The following GRIN2B variants were observed in gnomAD, a reference collection of about 807,000 sequenced individuals.
The protein encoded by GRIN2B is glutamate receptor ionotropic, NMDA 2B.
GRIN2B carries 5 observed loss-of-function variants against 114.5 expected under a neutral mutation model. The ratio of observed to expected loss-of-function variants is 0.04; its 90% CI spans 0.02 to 0.09. The LOEUF is 0.09. Ranked by LOEUF, GRIN2B falls within the 10% of genes least tolerant of loss-of-function variation. The probability of loss-of-function intolerance (pLI) is 1.00; values close to 1 mark genes in which losing one functional copy is unlikely to be tolerated. For missense variants in GRIN2B, 1,108 were observed against 1,943.5 expected (o/e 0.57, Z 8.08); for synonymous variants, 787 against 745.1 (o/e 1.06, Z -0.92).
Position 13,551,029 on chromosome 12 carries a change from T to C in GRIN2B, c.*11754A>G, listed in dbSNP as rs990837867. On this transcript the variant is annotated 3_prime_UTR_variant, in exon 14 of 14. Transcript: ENST00000609686. ...AAGAAAGGGTGATTTTACTACTTCA[T>C]GTTTTTCTCAGTAAGAGTTCCACCT... 4 of 93,366 alleles carry C rather than the reference T, an allele frequency of 4.3e-5. No individual in the cohort carries two copies. The highest frequency in any genetic ancestry group is 9.7e-5 in the Non-Finnish European group (4 of 41,204). The allele number at this position is 93,366 out of a possible 1,614,324, so 5.8% of individuals were successfully genotyped here.
At chr12:13,628,668 A>G (rs1189514822) in intron 5 of GRIN2B, among the ~76,000 whole-genome samples, 5 of 152,238 alleles carry the variant, frequency 3.3e-5, no homozygotes, top group African/African-American at 1.2e-4. Flanking sequence ...TCATCAGATG[A>G]GACTGCAGAG....
intron 2 of GRIN2B, among the ~76,000 whole-genome samples, chr12:13,927,381 A>G (rs1866936446): frequency 6.6e-6 from 1 of 152,132 alleles, no homozygotes; most frequent in Non-Finnish European, 1.5e-5. Flanking sequence ...TTTTCTGTAA[A>G]GTGACAGATA....
chr12:13,865,695 G>C, intron 3 of GRIN2B, 103 bp downstream of exon 3: 2 of 955,638 alleles, frequency 2.1e-6, no homozygotes, highest in South Asian at 2.6e-5. Flanking sequence ...AATGCAATCT[G>C]GTTACCTTCC....
At chr12:13,777,723 CT>C (rs1864029845) in intron 3 of GRIN2B, among the ~76,000 whole-genome samples, 1 of 152,162 alleles carries the variant, frequency 6.6e-6, no homozygotes, top group Admixed American at 6.5e-5. Flanking sequence ...CTAAAGAACA[CT>C]GATATTCAGA....
chr12:13,603,618 T>A (rs923532640), intron 10 of GRIN2B, among the ~76,000 whole-genome samples: 1 of 151,554 alleles, frequency 6.6e-6, no homozygotes, highest in Non-Finnish European at 1.5e-5. Context: ...TTATTATTAA[T>A]AATAATAACA....
chr12:13,567,207 T>A lies in GRIN2B; in HGVS notation c.2416A>T (p.Asn806Tyr). The A allele has an allele frequency of 6.2e-7, 1 of 1,614,172 alleles. No homozygotes were observed. ...TCCAGCTGGCTGCTCATGACCTCAT[T>A]CTTCTCATTGTGACAAATGCCAGTG... ...WLTGICHNEK[N>Y]EVMSSQLDID... Residue 806 changes from asparagine (N) to tyrosine (Y), a missense_variant, in exon 13 of 14, where the codon AAT becomes TAT. Coordinates refer to ENST00000609686, the MANE Select transcript of GRIN2B (RefSeq NM_000834.5).
At position 13,562,682 on chromosome 12, in the gene GRIN2B, A is replaced by G. The variant is rs1164680492; in HGVS notation, c.*101T>C. On this transcript the variant is annotated 3_prime_UTR_variant, in exon 14 of 14. Transcript: ENST00000609686. ...AATAAATTAAAACAAGAAAGGAGCA[A>G]ATGGGAACCAAGTTCACCCCCGTCA... 2.0e-6 allele frequency: 2 copies of G among 1,016,776 alleles called. No individual in the cohort carries two copies. The highest frequency in any genetic ancestry group is 3.2e-5 in the African/African-American group (2 of 63,142). The allele number at this position is 1,016,776 out of a possible 1,614,324, so 63.0% of individuals were successfully genotyped here. A position where few individuals can be genotyped will look rare whatever the true frequency, so the allele number is the denominator to read the frequency against.
chr12:13,836,584 A>G (rs1330644863), intron 3 of GRIN2B, among the ~76,000 whole-genome samples: 7 of 152,182 alleles, frequency 4.6e-5, no homozygotes, highest in African/African-American at 7.2e-5. Context: ...TATGCACTTA[A>G]TGTTCAGCAT....
At chr12:13,967,867 T>C (rs572869911) in intron 2 of GRIN2B, among the ~76,000 whole-genome samples, 1 of 152,198 alleles carries the variant, frequency 6.6e-6, no homozygotes, top group Non-Finnish European at 1.5e-5. Flanking sequence ...GCAAGAGGCA[T>C]GAGCAAAGGC....
chr12:13,609,578 C>G (rs1363650633), intron 9 of GRIN2B, among the ~76,000 whole-genome samples: 1 of 152,086 alleles, frequency 6.6e-6, no homozygotes, highest in Non-Finnish European at 1.5e-5. Context: ...TCGAGACCAT[C>G]CTGGCTAACA....
At chr12:13,608,529 G>A in intron 10 of GRIN2B, 74 bp downstream of exon 10, 1 of 1,072,430 alleles carries the variant, frequency 9.3e-7, no homozygotes. Context: ...AAGACAAGCA[G>A]GTACATGAGA....
chr12:13,873,501 C>A (rs1865945258), intron 2 of GRIN2B, among the ~76,000 whole-genome samples: 1 of 152,128 alleles, frequency 6.6e-6, no homozygotes, highest in Admixed American at 6.5e-5. Flanking sequence ...TAAAAGGCAC[C>A]AATCTTTGAT....
chr12:13,981,140 G>C (rs1863130199), intron 1 of GRIN2B, among the ~76,000 whole-genome samples: 2 of 146,326 alleles, frequency 1.4e-5, no homozygotes, highest in South Asian at 4.6e-4. Flanking sequence ...GCCCTACCCA[G>C]TCACAGCACC....
At chr12:13,738,470 C>G (rs1347058474) in intron 4 of GRIN2B, among the ~76,000 whole-genome samples, 1 of 152,136 alleles carries the variant, frequency 6.6e-6, no homozygotes, top group Admixed American at 6.5e-5. Flanking sequence ...AAACTCATCC[C>G]TCTGCATAAA....
chr12:13,866,115 G>T lies in GRIN2B; in HGVS notation c.94C>A (p.Pro32Thr), dbSNP rs1383833874. 1.2e-6 allele frequency: 2 copies of T among 1,613,882 alleles called. No homozygotes were observed. The highest frequency in any genetic ancestry group is 1.7e-6 in the Non-Finnish European group (2 of 1,179,964). The change falls in exon 3 of 14, where the codon CCC (proline) becomes ACC (threonine). Residue 32 changes from proline (P) to threonine (T), a missense_variant. Pro to Thr is a conservative substitution (Grantham distance 38). Transcript: ENST00000609686. ...ATGACAGCAATGCCAATGCTGGGGGGGCTCTTCTGAGAACGAGCTCTGCTG... is the reference window on the plus strand; with the variant it reads ...ATGACAGCAATGCCAATGCTGGGGGTGCTCTTCTGAGAACGAGCTCTGCTG... ...SGSRARSQKS[P>T]PSIGIAVILV...
intron 3 of GRIN2B, among the ~76,000 whole-genome samples, chr12:13,762,845 G>C (rs1306755253): frequency 6.6e-6 from 1 of 152,114 alleles, no homozygotes; most frequent in East Asian, 1.9e-4. Context: ...GTCTCCAAAG[G>C]CTAAATCCAG....
At chr12:13,722,989 C>T (rs1862906465) in intron 4 of GRIN2B, among the ~76,000 whole-genome samples, 1 of 152,094 alleles carries the variant, frequency 6.6e-6, no homozygotes, top group South Asian at 2.1e-4. Flanking sequence ...AGCTACTGTC[C>T]AGCTATAGCT....
At chr12:13,799,944 C>T (rs919167289) in intron 3 of GRIN2B, among the ~76,000 whole-genome samples, 9 of 152,060 alleles carry the variant, frequency 5.9e-5, no homozygotes, top group South Asian at 2.1e-4. Context: ...TGGAAGAAAC[C>T]GCTCCATAGT....
At chr12:13,952,550 G>C (rs1867505592) in intron 2 of GRIN2B, among the ~76,000 whole-genome samples, 1 of 152,018 alleles carries the variant, frequency 6.6e-6, no homozygotes, top group African/African-American at 2.4e-5. Context: ...CATTCCTCCG[G>C]TGAGAACCTC....
Sources: allele counts gnomAD v4.1 joint callset (sites outside exome capture counted in the v4.1 genomes callset), GRCh38; gene constraint gnomAD v4.1.1; transcripts MANE v1.5; gene names NCBI Gene and HGNC (gene_info 2026-07-23, HGNC 2026-07-21).